SLC25A51: variants seen among roughly 807,000 people sequenced by gnomAD.
SLC25A51 encodes the protein solute carrier family 25 member 51.
In SLC25A51, 11 loss-of-function variants were observed where a neutral mutation model predicts 19.1. The observed-to-expected ratio is 0.58, with a 90% confidence interval of 0.36 to 0.96. The LOEUF is 0.96. SLC25A51 is among the 40% of genes least tolerant of loss of function. SLC25A51 has a pLI of 0.01. For synonymous variants in SLC25A51, 105 were observed against 133.6 expected (o/e 0.79, Z 1.47); for missense variants, 201 against 365.4 (o/e 0.55, Z 3.67).
intron 3 of SLC25A51, among the ~76,000 whole-genome samples, chr9:37,881,200 AT>A (rs1831342393): frequency 7.7e-6 from 1 of 129,858 alleles, no homozygotes. Flanking sequence ...AAAAGTAGAT[AT>A]AAAAAAAAAA....
Position 37,901,831 on chromosome 9 carries a change from C to G in SLC25A51, c.-164-1881G>C, listed in dbSNP as rs187619885. Among the ~76,000 whole-genome samples the G allele has an allele frequency of 6.6e-5, 10 of 152,246 alleles. No homozygotes were observed. The East Asian group carries it at 1.9e-3, about 29-fold the overall frequency. ...TTGATAATTATTAGTTCTACTACATCCTTACTTTTTACTGATTCAGCTGAT... is the reference window on the plus strand; with the variant it reads ...TTGATAATTATTAGTTCTACTACATGCTTACTTTTTACTGATTCAGCTGAT... On this transcript the variant is annotated intron_variant, in intron 1 of 2. Coordinates refer to ENST00000242275, the MANE Select transcript of SLC25A51 (RefSeq NM_033412.4).
rs116196906 is a variant in SLC25A51, at chr9:37,882,415, C to T, written n.409-784G>A. 5.3e-3 allele frequency among the ~76,000 whole-genome samples: 811 copies of T among 152,312 alleles called. 6 individuals carry two copies. The highest frequency in any genetic ancestry group is 0.019 in the African/African-American group (772 of 41,560). ...ACCATTATTCCCTTACATGTTTGCA[C>T]AGCCTTATACTGAGCATTACATTGT... On this transcript the variant is annotated intron_variant and non_coding_transcript_variant, in intron 2 of 3. Transcript: ENST00000496760.
At chr9:37,881,248 T>C (rs900314845) in intron 3 of SLC25A51, among the ~76,000 whole-genome samples, 1 of 151,628 alleles carries the variant, frequency 6.6e-6, no homozygotes, top group African/African-American at 2.4e-5. Context: ...ACCATGTAAC[T>C]TGGGAGTAAA....
intron 1 of SLC25A51, among the ~76,000 whole-genome samples, chr9:37,900,741 A>C (rs975242304): frequency 6.6e-6 from 1 of 152,030 alleles, no homozygotes; most frequent in Non-Finnish European, 1.5e-5. Context: ...AATTACTTCT[A>C]ACCTGTGTAC....
chr9:37,885,600 A>G, downstream of SLC25A51: 1 of 739,492 alleles, frequency 1.4e-6, no homozygotes, highest in East Asian at 2.5e-5. Context: ...TGTGAGTTTC[A>G]CTCTTTTTGG....
intron 2 of SLC25A51, among the ~76,000 whole-genome samples, chr9:37,899,502 C>A (rs1831795455): frequency 6.6e-6 from 1 of 152,068 alleles, no homozygotes. Flanking sequence ...CCAGCTGGGA[C>A]CACACACGTG....
chr9:37,886,335 C>T, downstream of SLC25A51: 1 of 1,613,752 alleles, frequency 6.2e-7, no homozygotes, highest in Non-Finnish European at 8.5e-7. Context: ...GAGGAGCAGC[C>T]TGTGGCTTCA....
intron 2 of SLC25A51, among the ~76,000 whole-genome samples, chr9:37,891,839 CAAGAAT>C (rs1169666356): frequency 1.8e-4 from 17 of 94,870 alleles, no homozygotes; most frequent in African/African-American, 6.9e-4. Context: ...GAGAAACACC[CAAGAAT>C]GATAAAAAAA....
At chr9:37,886,465 C>A, downstream of SLC25A51, 3 of 1,437,084 alleles carry the variant, frequency 2.1e-6, no homozygotes, top group Non-Finnish European at 2.8e-6. Flanking sequence ...GAGACTACAG[C>A]CTTTTATTTA....
downstream of SLC25A51, among the ~76,000 whole-genome samples, chr9:37,885,365 A>AAAC (rs1831429076): frequency 6.6e-6 from 1 of 150,960 alleles, no homozygotes. Flanking sequence ...AAAAAAAAAA[A>AAAC]AAACCTTGTA....
chr9:37,902,286 G>A (rs1831865025), intron 1 of SLC25A51, among the ~76,000 whole-genome samples: 1 of 152,178 alleles, frequency 6.6e-6, no homozygotes, highest in African/African-American at 2.4e-5. Flanking sequence ...GTGTGAGAAT[G>A]GGGACTGTTA....
intron 2 of SLC25A51, among the ~76,000 whole-genome samples, chr9:37,892,860 C>T (rs1831625505): frequency 1.3e-5 from 2 of 152,268 alleles, no homozygotes; most frequent in East Asian, 1.9e-4. Flanking sequence ...CTGCCTCAGC[C>T]TCCCAAGTAG....
At chr9:37,898,282 G>A (rs1831764534) in intron 2 of SLC25A51, among the ~76,000 whole-genome samples, 1 of 152,114 alleles carries the variant, frequency 6.6e-6, no homozygotes, top group Non-Finnish European at 1.5e-5. Flanking sequence ...GTGGCCGGGT[G>A]CGGTGGCTCA....
chr9:37,881,926 C>CAA (rs57239574), intron 2 of SLC25A51, among the ~76,000 whole-genome samples: 1 of 150,622 alleles, frequency 6.6e-6, no homozygotes, highest in African/African-American at 2.4e-5. Flanking sequence ...TCCAAATTAT[C>CAA]AAAAAAAAAG....
intron 3 of SLC25A51, among the ~76,000 whole-genome samples, chr9:37,880,946 C>A (rs572935123): frequency 6.6e-6 from 1 of 152,140 alleles, no homozygotes; most frequent in South Asian, 2.1e-4. Context: ...TGATTAAACA[C>A]CCTTTTTATC....
chr9:37,897,266 C>T (rs970493914), intron 2 of SLC25A51, among the ~76,000 whole-genome samples: 1 of 151,624 alleles, frequency 6.6e-6, no homozygotes, highest in African/African-American at 2.4e-5. Context: ...TGTTGCCCAG[C>T]CTGGTCTTCA....
Position 37,899,863 on chromosome 9 carries a change from T to C in SLC25A51, c.-77A>G, listed in dbSNP as rs948872078. 2 of 163,592 alleles carry C rather than the reference T, an allele frequency of 1.2e-5. No homozygotes were observed. The highest frequency in any genetic ancestry group is 2.9e-5 in the Non-Finnish European group (2 of 68,034). The allele number at this position is 163,592 out of a possible 1,614,324, so 10.1% of individuals were successfully genotyped here. On this transcript the variant is annotated 5_prime_UTR_variant, in exon 2 of 3. Coordinates refer to ENST00000242275, the MANE Select transcript of SLC25A51 (RefSeq NM_033412.4). ...CTGAGCCTGGAGTTTGGCAGGATGA[T>C]AGCTTTGTGATAATGTTCCCAATTT...
At chr9:37,888,626 T>C in intron 2 of SLC25A51, 34 bp from the exon 3 acceptor site, 1 of 1,498,100 alleles carries the variant, frequency 6.7e-7, no homozygotes, top group Non-Finnish European at 8.9e-7. Context: ...GTAAACCCGT[T>C]TTATAGAGAG....
At chr9:37,901,201 A>T (rs1318584382) in intron 1 of SLC25A51, among the ~76,000 whole-genome samples, 2 of 150,924 alleles carry the variant, frequency 1.3e-5, no homozygotes, top group Admixed American at 6.6e-5. Flanking sequence ...ACAGAGTCTC[A>T]CTCTGTTGCC....
Sources: allele counts gnomAD v4.1 joint callset (sites outside exome capture counted in the v4.1 genomes callset), GRCh38; gene constraint gnomAD v4.1.1; transcripts MANE v1.5; gene names NCBI Gene and HGNC (gene_info 2026-07-23, HGNC 2026-07-21).